Variants in P2RX4 observed in about 807,000 individuals in gnomAD.
The protein encoded by P2RX4 is P2X purinoceptor 4.
Under a neutral mutation model 48.0 loss-of-function variants are expected in P2RX4, and 37 were observed. The observed-to-expected ratio is 0.77, with a 90% CI of 0.59 to 1.01. The LOEUF is 1.01. P2RX4 is among the 50% of genes least tolerant of loss of function. The pLI, the probability that P2RX4 is intolerant of heterozygous loss-of-function variation, is 0.00. For missense variants in P2RX4, 501 were observed against 521.4 expected (o/e 0.96, Z 0.38); for synonymous variants, 200 against 199.7 (o/e 1.00, Z -0.01).
chr12:121,212,816 A>ATTTTTTTTTTTTTT (rs1266371217), intron 1 of P2RX4: 3 of 32,754 alleles, frequency 9.2e-5, no homozygotes, highest in African/African-American at 4.3e-4. Flanking sequence ...ATATATATAT[A>ATTTTTTTTTTTTTT]TATATATATT....
At chr12:121,228,367 C>CAAAAA (rs1178066693) in intron 5 of P2RX4, among the ~76,000 whole-genome samples, 166 bp from the exon 6 acceptor site, 2 of 81,026 alleles carry the variant, frequency 2.5e-5, no homozygotes, top group East Asian at 3.4e-4. Context: ...GACTCCATCT[C>CAAAAA]AAAAAAAAAA....
Position 121,234,057 on chromosome 12 carries a change from C to G in P2RX4, c.*508C>G. 1 of 190,780 alleles carries G rather than the reference C, an allele frequency of 5.2e-6. No individual in the cohort carries two copies. The highest frequency in any genetic ancestry group is 1.1e-4 in the South Asian group (1 of 9,026). The allele number at this position is 190,780 out of a possible 1,614,324, so 11.8% of individuals were successfully genotyped here. On this transcript the variant is annotated 3_prime_UTR_variant, in exon 12 of 12. Coordinates refer to ENST00000337233, the MANE Select transcript of P2RX4 (RefSeq NM_002560.3). ...GAGCTGGCATTTCTCCTCAGAGAAG[C>G]GCTGTGCTAAGGTGATCGAGGACCA...
chr12:121,232,392 G>C lies in P2RX4; in HGVS notation c.885-22G>C, dbSNP rs772079465. 6.6e-7 allele frequency: 1 copy of C among 1,522,860 alleles called. No homozygotes were observed. The highest frequency in any genetic ancestry group is 1.1e-5 in the South Asian group (1 of 88,546). The allele number at this position is 1,522,860 out of a possible 1,614,324, so 94.3% of individuals were successfully genotyped here. A position where few individuals can be genotyped will look rare whatever the true frequency, so the allele number is the denominator to read the frequency against. On this transcript the variant is annotated intron_variant, in intron 8 of 11. Coordinates refer to ENST00000337233, the MANE Select transcript of P2RX4 (RefSeq NM_002560.3). This position sits in a 1 kb window ranked among gnomAD's most constrained non-coding sequence, Gnocchi z 4.3. Reference sequence around the variant, plus strand: ...GGTCCTGCCCCAGCCATCTCCCCCTGATCCATCCTCCTTCCCCTCAGGTTT... The same window carrying C: ...GGTCCTGCCCCAGCCATCTCCCCCTCATCCATCCTCCTTCCCCTCAGGTTT...
chr12:121,217,785 AAAG>A (rs780846033), intron 2 of P2RX4, among the ~76,000 whole-genome samples: 17,620 of 148,796 alleles, frequency 0.12, 1,072 homozygotes, highest in East Asian at 0.21. Flanking sequence ...AAAGAAAAAA[AAAG>A]AAAAGAATTA....
chr12:121,232,699 T>C lies in P2RX4; in HGVS notation c.1044+23T>C. The stretch of plus-strand genomic sequence containing the variant: ...ATGGTGAGTGGTTTAGGCCCTGCCT[T>C]CACCCTCACGGTGAGGTGAGACCCT... On this transcript the variant is annotated intron_variant, in intron 10 of 11. Coordinates refer to ENST00000337233, the MANE Select transcript of P2RX4 (RefSeq NM_002560.3). This position sits in a 1 kb window ranked among gnomAD's most constrained non-coding sequence, Gnocchi z 4.3. 6.3e-7 allele frequency: 1 copy of C among 1,593,242 alleles called. No homozygotes were observed. Among genetic ancestry groups the C allele is most frequent in the Non-Finnish European group, 8.6e-7 (1 of 1,161,096 alleles).
chr12:121,226,315 G>A (rs1389010541), intron 5 of P2RX4, among the ~76,000 whole-genome samples: 2 of 151,950 alleles, frequency 1.3e-5, no homozygotes, highest in Admixed American at 6.6e-5. Flanking sequence ...AGGCAGAGAC[G>A]GGTGGATCAC....
chr12:121,228,938 C>A, intron 7 of P2RX4, 25 bp from the exon 8 acceptor site: 1 of 1,614,088 alleles, frequency 6.2e-7, no homozygotes, highest in African/African-American at 1.3e-5. Context: ...GAAAGCCTTG[C>A]CGTGTCTCTG....
intron 1 of P2RX4, among the ~76,000 whole-genome samples, chr12:121,210,587 T>G (rs1885768631): frequency 6.6e-6 from 1 of 152,090 alleles, no homozygotes; most frequent in Non-Finnish European, 1.5e-5. Flanking sequence ...CGAAACCAAT[T>G]TGGGCAACAT....
chr12:121,228,320 G>A (rs1013065315), intron 5 of P2RX4, among the ~76,000 whole-genome samples: 2 of 140,612 alleles, frequency 1.4e-5, no homozygotes, highest in South Asian at 2.2e-4. Flanking sequence ...CTGAGATCGC[G>A]CCATTGCACT....
chr12:121,229,292 G>A lies in P2RX4; in HGVS notation c.884+193G>A, dbSNP rs145666561. Among the ~76,000 whole-genome samples the A allele has an allele frequency of 1.6e-3, 241 of 152,264 alleles. 8 individuals carry two copies. The East Asian group carries it at 0.04, about 25-fold the overall frequency. The stretch of plus-strand genomic sequence containing the variant: ...TGGTGTCCTGCTCCGGGGCCATCCC[G>A]GCCCCCGAGACCCCTCCTTGCCCTT... On this transcript the variant is annotated intron_variant, in intron 8 of 11. Transcript: ENST00000337233. The surrounding 1 kb of genome is among the most constrained non-coding windows in gnomAD (Gnocchi z 4.6).
chr12:121,233,407 C>T, intron 11 of P2RX4, 116 bp from the exon 12 acceptor site: 1 of 1,129,090 alleles, frequency 8.9e-7, no homozygotes, highest in Non-Finnish European at 1.3e-6. Flanking sequence ...GGTTGGGTTC[C>T]AGGCCTGGGA....
At chr12:121,233,133 C>T (rs1466086684) in intron 11 of P2RX4, 41 bp downstream of exon 11, 2 of 1,411,520 alleles carry the variant, frequency 1.4e-6, no homozygotes, top group African/African-American at 2.8e-5. Context: ...GGCCTCTCAT[C>T]TCTTGGGTGT....
intron 5 of P2RX4, 123 bp downstream of exon 5, chr12:121,223,166 C>A: frequency 1.5e-6 from 1 of 669,258 alleles, no homozygotes; most frequent in South Asian, 1.7e-5. Flanking sequence ...CTCCACCTCC[C>A]GTGTTCAAGT....
intron 4 of P2RX4, 98 bp from the exon 5 acceptor site, chr12:121,222,849 T>C: frequency 1.4e-6 from 2 of 1,430,670 alleles, no homozygotes; most frequent in Admixed American, 2.0e-5. Context: ...ACTGGCTGCA[T>C]GGGAGGCTGG....
rs145814749 is a variant in P2RX4 at position 121,222,967 on chromosome 12, G to C, written c.448G>C (p.Val150Leu). 5.0e-6 allele frequency: 8 copies of C among 1,613,044 alleles called. No homozygotes were observed. In the African/African-American group the frequency reaches 1.1e-4, roughly 22 times the overall value. Residue 150 changes from valine (V) to leucine (L), a missense_variant, in exon 5 of 12, where the codon GTA becomes CTA. Transcript: ENST00000337233. Reference sequence around the variant, plus strand: ...TGTAGGAGTCTCAACAGGCAGGTGCGTAGCTTTCAACGGGTCTGTCAAGAC... The same window carrying C: ...TGTAGGAGTCTCAACAGGCAGGTGCCTAGCTTTCAACGGGTCTGTCAAGAC... ...HSNGVSTGRC[V>L]AFNGSVKTCE...
At chr12:121,216,433 G>C (rs76430143) in intron 1 of P2RX4, 1,969 of 160,632 alleles carry the variant, frequency 0.012, 47 homozygotes, top group African/African-American at 0.044. Context: ...CATATAAAGA[G>C]CTTAGATCAG....
At chr12:121,215,287 A>G (rs1886153963) in intron 1 of P2RX4, 1 of 152,014 alleles carries the variant, frequency 6.6e-6, no homozygotes, top group Non-Finnish European at 1.5e-5. Flanking sequence ...GTGAAGATCT[A>G]CTATCATTCC....
intron 11 of P2RX4, 57 bp from the exon 12 acceptor site, chr12:121,233,466 C>T (rs1336321591): frequency 1.3e-6 from 2 of 1,570,220 alleles, no homozygotes; most frequent in Non-Finnish European, 1.7e-6. Context: ...CACCTCCCTC[C>T]CGCCTGCCAC....
At chr12:121,214,467 C>T (rs1434287857) in intron 1 of P2RX4, 2 of 151,892 alleles carry the variant, frequency 1.3e-5, no homozygotes, top group Non-Finnish European at 2.9e-5. Flanking sequence ...AAAAAAAGAC[C>T]GAACACGCAA....
Sources: gnomAD v4.1 joint callset for allele counts (sites outside exome capture counted in the v4.1 genomes callset) on GRCh38, gnomAD v4.1.1 for gene constraint, Gnocchi (gnomAD v3.1) non-coding constraint, MANE v1.5 for transcripts, NCBI Gene and HGNC (gene_info 2026-07-23, HGNC 2026-07-21) for gene names.